Variants in IGSF9B observed in about 807,000 individuals in gnomAD.
IGSF9B encodes the protein protein turtle homolog B.
In IGSF9B, 48 loss-of-function variants were observed where a neutral mutation model predicts 143.7. The ratio of observed to expected loss-of-function variants is 0.33; its 90% CI spans 0.26 to 0.42. The LOEUF (loss-of-function observed/expected upper bound fraction) is 0.42. Ranked by LOEUF, IGSF9B falls within the 20% of genes least tolerant of loss-of-function variation. The pLI is 1.00. For missense variants in IGSF9B, 1,706 were observed against 1,980.0 expected (o/e 0.86, Z 2.63); for synonymous variants, 903 against 833.1 (o/e 1.08, Z -1.44).
intron 1 of IGSF9B, among the ~76,000 whole-genome samples, chr11:133,949,606 C>T (rs1940122070): frequency 6.6e-6 from 1 of 151,930 alleles, no homozygotes; most frequent in African/African-American, 2.4e-5. Context: ...GTGTGGAGCC[C>T]AGCCCTGGGA....
At chr11:133,936,440 A>T (rs114634468) in intron 5 of IGSF9B, among the ~76,000 whole-genome samples, 4,543 of 152,212 alleles carry the variant, frequency 0.03, 243 homozygotes, top group African/African-American at 0.1. Flanking sequence ...CTCCCAGCAG[A>T]GCCCGAGCCA....
intron 18 of IGSF9B, 60 bp from the exon 19 acceptor site, chr11:133,912,067 G>A: frequency 6.8e-7 from 1 of 1,478,182 alleles, no homozygotes; most frequent in Non-Finnish European, 8.9e-7. Flanking sequence ...CTTTGGAAGA[G>A]GGGCTGGAAG....
intron 18 of IGSF9B, among the ~76,000 whole-genome samples, chr11:133,912,603 A>C (rs759434388): frequency 6.6e-6 from 1 of 152,168 alleles, no homozygotes; most frequent in Non-Finnish European, 1.5e-5. Context: ...GTCATATACC[A>C]ACATTTTCAG....
In IGSF9B at chr11:133,926,779, G is replaced by C. The variant is rs1939633336; in HGVS notation, c.1807+137C>G. On this transcript the variant is annotated intron_variant, in intron 13 of 19. Transcript: ENST00000533871. ...CAGAGACCACAACAAATCCTCACGG[G>C]GAGATCAGATGGCACGGCTCTGTGG... 3 of 661,276 alleles carry C rather than the reference G, an allele frequency of 4.5e-6. No homozygotes were observed. In the East Asian group the frequency reaches 8.6e-5, roughly 19 times the overall value. 41.0% of individuals were successfully genotyped at this position (661,276 alleles called of 1,614,324 possible).
At position 133,911,955 on chromosome 11, in the gene IGSF9B, G is replaced by A; in HGVS notation, c.4036C>T (p.Leu1346=). Reference sequence around the variant, plus strand: ...GGCTTCTTTATCCGTTGGTATTTCAGAGCCTCCAGCCTCTCAGGCGCAGCA... The same window carrying A: ...GGCTTCTTTATCCGTTGGTATTTCAAAGCCTCCAGCCTCTCAGGCGCAGCA... ...NAAAPERLEA[L]KYQRIKKPKK... is the part of the protein sequence containing the mutation. Residue 1346 remains leucine, a synonymous_variant, in exon 19 of 20, where the codon CTG becomes TTG. Coordinates refer to ENST00000533871, the MANE Select transcript of IGSF9B (RefSeq NM_001277285.4). 1 of 1,535,046 alleles carries A rather than the reference G, an allele frequency of 6.5e-7. No homozygotes were observed.
At chr11:133,940,693 G>A (rs1314820477) in intron 3 of IGSF9B, among the ~76,000 whole-genome samples, 2 of 106,566 alleles carry the variant, frequency 1.9e-5, no homozygotes, top group Non-Finnish European at 1.8e-5. Context: ...GTCATCACAT[G>A]CAAAAACACA....
At chr11:133,929,880 A>T (rs1939692359) in intron 11 of IGSF9B, 98 bp from the exon 12 acceptor site, 3 of 758,892 alleles carry the variant, frequency 4.0e-6, no homozygotes, top group South Asian at 3.1e-5. Flanking sequence ...GCTGAAGCGC[A>T]TGGCAGCGGA....
intron 3 of IGSF9B, 87 bp from the exon 4 acceptor site, chr11:133,938,048 C>T (rs1939858442): frequency 3.5e-6 from 5 of 1,417,092 alleles, no homozygotes; most frequent in South Asian, 1.3e-5. Flanking sequence ...ACATCACCCT[C>T]GCTGCGGCTC....
At position 133,945,491 on chromosome 11, in the gene IGSF9B, C is replaced by T. The variant is rs1940030603; in HGVS notation, c.262+570G>A. On this transcript the variant is annotated intron_variant, in intron 2 of 19. Coordinates refer to ENST00000533871, the MANE Select transcript of IGSF9B (RefSeq NM_001277285.4). This position sits in a 1 kb window ranked among gnomAD's most constrained non-coding sequence, Gnocchi z 4.6. ...ACGCACGCACACACACACCCACGCC[C>T]TCCTCTCCCGCGGGCTGGGGGGCAG... Among the ~76,000 whole-genome samples, 1 of 152,180 alleles carries T rather than the reference C, an allele frequency of 6.6e-6. No individual in the cohort carries two copies.
At chr11:133,912,248 C>A (rs760726405) in intron 18 of IGSF9B, 9 of 661,534 alleles carry the variant, frequency 1.4e-5, no homozygotes, top group Non-Finnish European at 2.5e-5. Context: ...GCAGAGCAAT[C>A]AGAAGACCCT....
At position 133,948,592 on chromosome 11, in the gene IGSF9B, T is replaced by C. The variant is rs1178178558; in HGVS notation, c.65-2334A>G. On this transcript the variant is annotated intron_variant, in intron 1 of 19. Coordinates refer to ENST00000533871, the MANE Select transcript of IGSF9B (RefSeq NM_001277285.4). The surrounding 1 kb of genome is among the most constrained non-coding windows in gnomAD (Gnocchi z 4.7). Reference sequence around the variant, plus strand: ...TGGACCAAGAGGAATGGGTGAATAATGGGTGCCATGAGTTTGCAGAGAAGC... The same window carrying C: ...TGGACCAAGAGGAATGGGTGAATAACGGGTGCCATGAGTTTGCAGAGAAGC... Among the ~76,000 whole-genome samples the C allele has an allele frequency of 6.7e-6, 1 of 149,188 alleles. No homozygotes were observed. The highest frequency in any genetic ancestry group is 1.5e-5 in the Non-Finnish European group (1 of 67,682).
At chr11:133,944,112 G>A (rs1330934664) in intron 3 of IGSF9B, 108 bp downstream of exon 3, 37 of 1,207,080 alleles carry the variant, frequency 3.1e-5, no homozygotes, top group South Asian at 1.9e-4. Flanking sequence ...GGGGCAGGGG[G>A]TGAGATGCAG....
chr11:133,945,502 C>G lies in IGSF9B; in HGVS notation c.262+559G>C, dbSNP rs182132008. On this transcript the variant is annotated intron_variant, in intron 2 of 19. Coordinates refer to ENST00000533871, the MANE Select transcript of IGSF9B (RefSeq NM_001277285.4). This position sits in a 1 kb window ranked among gnomAD's most constrained non-coding sequence, Gnocchi z 4.6. ...CACACACCCACGCCCTCCTCTCCCGCGGGCTGGGGGGCAGGCAGCGGCAGT... is the reference window on the plus strand; with the variant it reads ...CACACACCCACGCCCTCCTCTCCCGGGGGCTGGGGGGCAGGCAGCGGCAGT... 6.6e-6 allele frequency among the ~76,000 whole-genome samples: 1 copy of G among 152,170 alleles called. No homozygotes were observed. Among genetic ancestry groups the G allele is most frequent in the African/African-American group, 2.4e-5 (1 of 41,444 alleles).
chr11:133,901,991 A>ATC lies in IGSF9B; in HGVS notation c.*7076_*7077dup, dbSNP rs1939135838. On this transcript the variant is annotated 3_prime_UTR_variant, in exon 20 of 20. Coordinates refer to ENST00000533871, the MANE Select transcript of IGSF9B (RefSeq NM_001277285.4). Reference sequence around the variant, plus strand: ...CATCACACACATGCACACCAGACACATCACACACACACACACACCAGACAT... The same window carrying ATC: ...CATCACACACATGCACACCAGACACATCTCACACACACACACACACCAGACAT... Among the ~76,000 whole-genome samples the ATC allele has an allele frequency of 7.9e-6, 1 of 126,372 alleles. No homozygotes were observed. Among genetic ancestry groups the ATC allele is most frequent in the Non-Finnish European group, 1.7e-5 (1 of 59,510 alleles). 82.9% of individuals were successfully genotyped at this position (126,372 alleles called of 152,430 possible).
rs762145949 is a variant in IGSF9B at position 133,932,088 on chromosome 11, G to A, written c.1093C>T (p.Pro365Ser). 1.9e-6 allele frequency: 3 copies of A among 1,613,506 alleles called. No homozygotes were observed. The highest frequency in any genetic ancestry group is 2.5e-6 in the Non-Finnish European group (3 of 1,179,552). The change falls in exon 8 of 20, where the codon CCC becomes TCC. Residue 365 changes from proline to serine, a missense_variant. Around this residue, in one of 7 missense-constraint regions of IGSF9B, gnomAD observed 238 missense variants for 452.6 expected, o/e 0.53. Transcript: ENST00000533871. ...TVVKWNKDGR[P>S]LQVEKNLGWT... ...TCTAGCACCTTCTCAACCTGCAGGG[G>A]ACGGCCGTCCTTGTTCCACTTGACC...
intron 18 of IGSF9B, among the ~76,000 whole-genome samples, chr11:133,914,641 G>A (rs1401629142): frequency 1.3e-5 from 2 of 152,134 alleles, no homozygotes; most frequent in South Asian, 2.1e-4. Context: ...TCTGGGCTCA[G>A]CACCGAAGCA....
In IGSF9B at chr11:133,906,306, G is replaced by A. The variant is rs1033599553; in HGVS notation, c.*2763C>T. Among the ~76,000 whole-genome samples the A allele has an allele frequency of 7.2e-5, 11 of 152,216 alleles. No homozygotes were observed. The highest frequency in any genetic ancestry group is 2.0e-4 in the Admixed American group (3 of 15,288). On this transcript the variant is annotated 3_prime_UTR_variant, in exon 20 of 20. Transcript: ENST00000533871. The stretch of plus-strand genomic sequence containing the variant: ...TGTGACATCTTCACCCTCTATCCAC[G>A]GAGGGAACTGCGTTCCACCAATCCC...
intron 3 of IGSF9B, among the ~76,000 whole-genome samples, chr11:133,939,077 T>C (rs997389484): frequency 6.6e-6 from 1 of 152,184 alleles, no homozygotes; most frequent in Non-Finnish European, 1.5e-5. Context: ...TATAGGATCT[T>C]GTCCTGCCTG....
chr11:133,915,038 A>G (rs1939355757), intron 18 of IGSF9B, among the ~76,000 whole-genome samples: 1 of 152,112 alleles, frequency 6.6e-6, no homozygotes, highest in Non-Finnish European at 1.5e-5. Context: ...AGATGATGCC[A>G]TTACCCCAGA....
Sources: gnomAD v4.1 joint callset for allele counts (sites outside exome capture counted in the v4.1 genomes callset) on GRCh38, gnomAD v4.1.1 for gene constraint, gnomAD v4.1.1 regional missense constraint, Gnocchi (gnomAD v3.1) non-coding constraint, MANE v1.5 for transcripts, NCBI Gene and HGNC (gene_info 2026-07-23, HGNC 2026-07-21) for gene names.